Variants in PLCXD2 observed in about 807,000 individuals in gnomAD.
PLCXD2 encodes the protein PI-PLC X domain-containing protein 2.
A neutral mutation model predicts 28.6 loss-of-function variants in PLCXD2; 21 were observed. The observed-to-expected ratio is 0.73, with a 90% CI of 0.52 to 1.06. The LOEUF (loss-of-function observed/expected upper bound fraction) is 1.06, where lower values mean the gene tolerates loss of function less well. Ranked by LOEUF, PLCXD2 falls within the 50% of genes least tolerant of loss-of-function variation. PLCXD2 has a pLI of 0.00. For synonymous variants in PLCXD2, 140 were observed against 150.1 expected, an observed-to-expected ratio of 0.93 and a Z score of 0.49; for missense variants, 369 against 376.7, an observed-to-expected ratio of 0.98 and a Z score of 0.17.
Position 111,708,132 on chromosome 3 carries a change from G to A in PLCXD2, c.370G>A (p.Ala124Thr). The A allele has an allele frequency of 1.2e-6, 2 of 1,614,234 alleles. No individual in the cohort carries two copies. Among genetic ancestry groups the A allele is most frequent in the South Asian group, 2.2e-5 (2 of 91,084 alleles). ...GCGTGTGTCTTCCAAACCAGGGGAT[G>A]CCGACCAGGAGATCTACTTCATCCA... is the stretch of plus-strand genomic sequence containing the variant. Residue 124 changes from alanine to threonine, a missense_variant, in exon 2 of 5, where the codon GCC becomes ACC. Transcript: ENST00000477665.
At chr3:111,715,015 T>G (rs1299881531) in intron 3 of PLCXD2, among the ~76,000 whole-genome samples, 2 of 152,184 alleles carry the variant, frequency 1.3e-5, no homozygotes, top group Non-Finnish European at 2.9e-5. Context: ...TCCAAAAACA[T>G]GTTTCTATTT....
chr3:111,691,824 A>G (rs2107847350), intron 1 of PLCXD2, among the ~76,000 whole-genome samples: 1 of 152,318 alleles, frequency 6.6e-6, no homozygotes, highest in East Asian at 1.9e-4. Flanking sequence ...CCTCATCTGT[A>G]AAATGCAGGT....
chr3:111,702,134 G>C (rs1205367335), intron 1 of PLCXD2, among the ~76,000 whole-genome samples: 2 of 152,102 alleles, frequency 1.3e-5, no homozygotes, highest in African/African-American at 2.4e-5. Context: ...ATACAGAACA[G>C]ATCCCTGGAA....
intron 1 of PLCXD2, among the ~76,000 whole-genome samples, chr3:111,687,900 T>G (rs943580352): frequency 2.0e-5 from 3 of 152,180 alleles, no homozygotes; most frequent in African/African-American, 7.2e-5. Flanking sequence ...CTCAAACTCC[T>G]GAGCTCAAGC....
chr3:111,708,776 C>A (rs1941158307), intron 2 of PLCXD2, among the ~76,000 whole-genome samples: 1 of 152,178 alleles, frequency 6.6e-6, no homozygotes, highest in South Asian at 2.1e-4. Flanking sequence ...GTCAGATAAT[C>A]CTGGCCAAGG....
intron 1 of PLCXD2, among the ~76,000 whole-genome samples, chr3:111,704,723 T>C (rs1413714203): frequency 1.3e-5 from 2 of 152,218 alleles, no homozygotes; most frequent in Non-Finnish European, 2.9e-5. Context: ...AATCCTCTCT[T>C]CTAGCTCTTT....
At chr3:111,679,986 G>A (rs1025584797) in intron 1 of PLCXD2, among the ~76,000 whole-genome samples, 5 of 152,146 alleles carry the variant, frequency 3.3e-5, no homozygotes, top group Non-Finnish European at 7.3e-5. Flanking sequence ...CCTTGGCAGG[G>A]TCAACCCTTC....
At chr3:111,680,189 T>C (rs1002298859) in intron 1 of PLCXD2, among the ~76,000 whole-genome samples, 2 of 152,216 alleles carry the variant, frequency 1.3e-5, no homozygotes, top group Non-Finnish European at 2.9e-5. Flanking sequence ...ATGTGTGACA[T>C]GGAGACAAAA....
chr3:111,695,503 A>G (rs1191236223), intron 1 of PLCXD2, among the ~76,000 whole-genome samples: 2 of 152,256 alleles, frequency 1.3e-5, no homozygotes, highest in African/African-American at 2.4e-5. Flanking sequence ...ATTCTCAAGT[A>G]GAGTTAGGGT....
At chr3:111,678,522 A>G (rs1268651984) in intron 1 of PLCXD2, among the ~76,000 whole-genome samples, 1 of 152,188 alleles carries the variant, frequency 6.6e-6, no homozygotes, top group Non-Finnish European at 1.5e-5. Flanking sequence ...GTACATTTTA[A>G]TGCTATTTCA....
In PLCXD2 at chr3:111,710,156, G is replaced by A. The variant is rs1446095533; in HGVS notation, c.624+1770G>A. Among the ~76,000 whole-genome samples the A allele has an allele frequency of 3.9e-5, 6 of 152,246 alleles. No homozygotes were observed. The South Asian group carries it at 1.2e-3, about 32-fold the overall frequency. The stretch of plus-strand genomic sequence containing the variant: ...ACCCTGAGAAGTTCTAAATGTCTTC[G>A]ACACCACGGAGGCTTCATGAGTTAA... On this transcript the variant is annotated intron_variant, in intron 2 of 4. Coordinates refer to ENST00000477665, the MANE Select transcript of PLCXD2 (RefSeq NM_001185106.1).
At chr3:111,721,189 T>C (rs922265960) in intron 3 of PLCXD2, 8 of 180,266 alleles carry the variant, frequency 4.4e-5, no homozygotes, top group African/African-American at 1.4e-4. Context: ...TAGGACCCAT[T>C]GGGGTATTGA....
intron 3 of PLCXD2, among the ~76,000 whole-genome samples, chr3:111,718,715 G>A (rs1291598673): frequency 1.3e-5 from 2 of 152,168 alleles, no homozygotes; most frequent in African/African-American, 4.8e-5. Context: ...TGTGCTGAAA[G>A]AAGGGCAGGC....
chr3:111,707,632 C>T (rs1446550901), intron 1 of PLCXD2, among the ~76,000 whole-genome samples: 1 of 152,058 alleles, frequency 6.6e-6, no homozygotes, highest in Non-Finnish European at 1.5e-5. Flanking sequence ...TTTTAAAGCC[C>T]CTATTTTCAG....
chr3:111,680,168 C>T (rs1033563266), intron 1 of PLCXD2, among the ~76,000 whole-genome samples: 1 of 152,104 alleles, frequency 6.6e-6, no homozygotes, highest in Non-Finnish European at 1.5e-5. Flanking sequence ...GGCCGCACAC[C>T]CTCTTCCCAC....
intron 1 of PLCXD2, among the ~76,000 whole-genome samples, chr3:111,704,471 G>C (rs1315892458): frequency 6.6e-6 from 1 of 152,172 alleles, no homozygotes; most frequent in Non-Finnish European, 1.5e-5. Context: ...ACTGTAATTA[G>C]GAATATGCCT....
intron 1 of PLCXD2, among the ~76,000 whole-genome samples, chr3:111,675,766 A>T (rs1320649162): frequency 1.3e-5 from 2 of 152,070 alleles, no homozygotes; most frequent in Non-Finnish European, 2.9e-5. Context: ...GCAATGAATT[A>T]AAAGTCACAA....
At chr3:111,712,614 G>T (rs1941215211) in intron 2 of PLCXD2, among the ~76,000 whole-genome samples, 1 of 152,178 alleles carries the variant, frequency 6.6e-6, no homozygotes, top group East Asian at 1.9e-4. Flanking sequence ...GTGCTCCCCA[G>T]CTCTGGGCCT....
At position 111,708,125 on chromosome 3, in the gene PLCXD2, A is replaced by G; in HGVS notation, c.363A>G (p.Pro121=). 2 of 1,614,198 alleles carry G rather than the reference A, an allele frequency of 1.2e-6. No individual in the cohort carries two copies. The highest frequency in any genetic ancestry group is 1.7e-6 in the Non-Finnish European group (2 of 1,180,032). Residue 121 remains proline (P), a synonymous_variant, in exon 2 of 5, where the codon CCA becomes CCG. Coordinates refer to ENST00000477665, the MANE Select transcript of PLCXD2 (RefSeq NM_001185106.1). ...TTGACCTGCGTGTGTCTTCCAAACC[A>G]GGGGATGCCGACCAGGAGATCTACT...
Sources: gnomAD v4.1 joint callset for allele counts (sites outside exome capture counted in the v4.1 genomes callset) on GRCh38, gnomAD v4.1.1 for gene constraint, MANE v1.5 for transcripts, NCBI Gene and HGNC (gene_info 2026-07-23, HGNC 2026-07-21) for gene names.